Variants in ABTB2 observed in about 807,000 individuals in gnomAD.
ABTB2 encodes ankyrin repeat and BTB/POZ domain-containing protein 2.
A neutral mutation model predicts 104.1 loss-of-function variants in ABTB2; 56 were observed. The ratio of observed to expected loss-of-function variants is 0.54; its 90% confidence interval spans 0.43 to 0.67. The LOEUF (loss-of-function observed/expected upper bound fraction) is 0.67. ABTB2 is among the 30% of genes least tolerant of loss of function. The pLI, the probability that ABTB2 is intolerant of heterozygous loss-of-function variation, is 0.00. For synonymous variants in ABTB2, 606 were observed against 608.2 expected (o/e 1.00, Z 0.05); for missense variants, 1,279 against 1,407.7 (o/e 0.91, Z 1.46).
intron 1 of ABTB2, chr11:34,335,367 C>G (rs1275923664): frequency 3.4e-6 from 3 of 873,016 alleles, no homozygotes; most frequent in Middle Eastern, 2.2e-4. Flanking sequence ...ACAAAGAGTA[C>G]AGCAAATTTC....
rs1854063393 is a variant in ABTB2, at chr11:34,252,069, A to C, written c.884-47379T>G. On this transcript the variant is annotated intron_variant, in intron 1 of 16. Coordinates refer to ENST00000435224, the MANE Select transcript of ABTB2 (RefSeq NM_145804.3). This position sits in a 1 kb window ranked among gnomAD's most constrained non-coding sequence, Gnocchi z 5.5. ...GGGGCTTGCAATCCCAGGGAAGAGG[A>C]GAGTTTCATGAAAGCTGCAAAACTC... Among the ~76,000 whole-genome samples the C allele has an allele frequency of 6.6e-6, 1 of 152,200 alleles. No homozygotes were observed.
chr11:34,328,291 T>C (rs931295972), intron 1 of ABTB2, among the ~76,000 whole-genome samples: 12 of 152,272 alleles, frequency 7.9e-5, no homozygotes, highest in African/African-American at 2.6e-4. Flanking sequence ...AGTACTTGCT[T>C]TTTTGACTGT....
chr11:34,240,056 CA>C (rs2133062559), intron 1 of ABTB2, among the ~76,000 whole-genome samples: 1 of 152,252 alleles, frequency 6.6e-6, no homozygotes, highest in South Asian at 2.1e-4. Context: ...AGTTAATGGA[CA>C]CAGAAGATTT....
chr11:34,237,276 CT>C (rs561473313), intron 1 of ABTB2, among the ~76,000 whole-genome samples: 5,357 of 116,206 alleles, frequency 0.046, 247 homozygotes, highest in African/African-American at 0.15. Context: ...CCTGGATATT[CT>C]TTTTTTTTTT....
intron 1 of ABTB2, among the ~76,000 whole-genome samples, chr11:34,276,399 G>C (rs976692191): frequency 2.6e-5 from 4 of 152,118 alleles, no homozygotes; most frequent in African/African-American, 7.2e-5. Flanking sequence ...CTTACTTGAA[G>C]CTATACTTCA....
chr11:34,238,503 A>G (rs73495526), intron 1 of ABTB2, among the ~76,000 whole-genome samples: 4,235 of 152,344 alleles, frequency 0.028, 198 homozygotes, highest in African/African-American at 0.098. Flanking sequence ...TAGGTACTCA[A>G]TAAATATTTG....
intron 1 of ABTB2, among the ~76,000 whole-genome samples, chr11:34,262,225 C>T (rs1195088227): frequency 2.0e-5 from 3 of 152,202 alleles, no homozygotes; most frequent in Non-Finnish European, 4.4e-5. Context: ...AATGCAAAGA[C>T]ACTTCTAGCA....
intron 1 of ABTB2, among the ~76,000 whole-genome samples, chr11:34,248,575 T>A (rs546595925): frequency 6.6e-6 from 1 of 152,326 alleles, no homozygotes; most frequent in African/African-American, 2.4e-5. Context: ...GCCTGATCCA[T>A]TTCAGGGGTG....
At chr11:34,315,407 T>C (rs1854913824) in intron 1 of ABTB2, among the ~76,000 whole-genome samples, 2 of 152,222 alleles carry the variant, frequency 1.3e-5, no homozygotes. Flanking sequence ...GGTCTGGGGC[T>C]TGGCTTTCCG....
chr11:34,216,861 C>A (rs1025167757), intron 1 of ABTB2, among the ~76,000 whole-genome samples: 6 of 152,220 alleles, frequency 3.9e-5, no homozygotes, highest in African/African-American at 7.2e-5. Flanking sequence ...TGAGGACTAG[C>A]TAAAACAGGT....
intron 1 of ABTB2, among the ~76,000 whole-genome samples, chr11:34,319,360 G>A (rs943386015): frequency 1.8e-4 from 27 of 152,310 alleles, no homozygotes; most frequent in African/African-American, 6.5e-4. Flanking sequence ...TATCATAAAG[G>A]GGCAGGTCCC....
At chr11:34,195,893 A>G (rs1853246948) in intron 3 of ABTB2, among the ~76,000 whole-genome samples, 1 of 152,188 alleles carries the variant, frequency 6.6e-6, no homozygotes, top group Non-Finnish European at 1.5e-5. Context: ...AATGCCCCCC[A>G]AAGACAGCGG....
intron 1 of ABTB2, among the ~76,000 whole-genome samples, chr11:34,263,012 T>G (rs1312636115): frequency 6.6e-6 from 1 of 152,108 alleles, no homozygotes; most frequent in East Asian, 1.9e-4. Flanking sequence ...GCCCCAGATT[T>G]GTTTTGAACT....
intron 1 of ABTB2, among the ~76,000 whole-genome samples, chr11:34,270,770 C>T (rs1363489972): frequency 3.9e-5 from 6 of 152,192 alleles, no homozygotes; most frequent in Non-Finnish European, 4.4e-5. Flanking sequence ...AGATGCTATT[C>T]AGCTCTAGCC....
intron 1 of ABTB2, among the ~76,000 whole-genome samples, chr11:34,289,726 C>T (rs968328088): frequency 6.6e-6 from 1 of 152,150 alleles, no homozygotes; most frequent in Non-Finnish European, 1.5e-5. Flanking sequence ...AGACACCCTC[C>T]GAGGCAGGCT....
chr11:34,182,038 C>T lies in ABTB2; in HGVS notation c.1245-8731G>A, dbSNP rs570230802. Among the ~76,000 whole-genome samples, 272 of 152,328 alleles carry T rather than the reference C, an allele frequency of 1.8e-3. 3 individuals carry two copies. The highest frequency in any genetic ancestry group is 6.8e-3 in the Middle Eastern group (2 of 294). On this transcript the variant is annotated intron_variant, in intron 3 of 16. Transcript: ENST00000435224. The stretch of plus-strand genomic sequence containing the variant: ...CTGGGCTGGGGGTGCCAAGTGGCAC[C>T]GTCAGGAACTTGCAAAGATGCCAAG...
At chr11:34,354,638 G>A (rs574050887) in intron 1 of ABTB2, among the ~76,000 whole-genome samples, 2 of 152,172 alleles carry the variant, frequency 1.3e-5, no homozygotes, top group Non-Finnish European at 2.9e-5. Flanking sequence ...TGGCCACTTC[G>A]CATCTTCAGG....
At chr11:34,285,301 A>T (rs1430453954) in intron 1 of ABTB2, among the ~76,000 whole-genome samples, 1 of 152,136 alleles carries the variant, frequency 6.6e-6, no homozygotes, top group Non-Finnish European at 1.5e-5. Flanking sequence ...CAAGCCCCAG[A>T]GTTAGGCGGG....
chr11:34,173,370 G>T, intron 3 of ABTB2, 63 bp from the exon 4 acceptor site: 1 of 1,498,004 alleles, frequency 6.7e-7, no homozygotes, highest in African/African-American at 1.4e-5. Context: ...GCAGAGAGAG[G>T]GTCAGGCCTG....
Sources: allele counts gnomAD v4.1 joint callset (sites outside exome capture counted in the v4.1 genomes callset), GRCh38; gene constraint gnomAD v4.1.1; non-coding constraint Gnocchi (gnomAD v3.1); transcripts MANE v1.5; gene names NCBI Gene and HGNC (gene_info 2026-07-23, HGNC 2026-07-21).